Variants in TNFRSF10B observed in about 807,000 individuals in gnomAD.
TNFRSF10B encodes the protein TNF receptor superfamily member 10b.
TNFRSF10B carries 35 observed loss-of-function variants against 41.4 expected under a neutral mutation model. The observed-to-expected ratio is 0.85, with a 90% CI of 0.65 to 1.12. The LOEUF is 1.12. Among genes scored for constraint, TNFRSF10B ranks in the 50% most tolerant of loss-of-function variants. The pLI is 0.00. For missense variants in TNFRSF10B, 584 were observed against 552.7 expected (o/e 1.06, Z -0.57); for synonymous variants, 230 against 215.5 (o/e 1.07, Z -0.59).
chr8:23,039,110 T>C (rs1812100548), intron 2 of TNFRSF10B, among the ~76,000 whole-genome samples: 1 of 151,326 alleles, frequency 6.6e-6, no homozygotes, highest in Non-Finnish European at 1.5e-5. Context: ...TCATAAGGAG[T>C]GCGCAACCTA....
At position 23,022,356 on chromosome 8, in the gene TNFRSF10B, A is replaced by G; in HGVS notation, c.*315T>C. 2.0e-6 allele frequency: 1 copy of G among 495,052 alleles called. No individual in the cohort carries two copies. Among genetic ancestry groups the G allele is most frequent in the Non-Finnish European group, 3.9e-6 (1 of 254,296 alleles). The allele number at this position is 495,052 out of a possible 1,614,324, so 30.7% of individuals were successfully genotyped here. ...TACAATGTAGCCCAAATAAATAAAT[A>G]AAGCATTTACATTAGGATAAAAAAG... On this transcript the variant is annotated 3_prime_UTR_variant, in exon 9 of 9. Coordinates refer to ENST00000276431, the MANE Select transcript of TNFRSF10B (RefSeq NM_003842.5).
rs1321026489 is a variant in TNFRSF10B, at chr8:23,020,960, G to A, written c.*1711C>T. The A allele has an allele frequency of 2.2e-6, 1 of 453,996 alleles. No homozygotes were observed. 28.1% of individuals were successfully genotyped at this position (453,996 alleles called of 1,614,324 possible). On this transcript the variant is annotated 3_prime_UTR_variant, in exon 9 of 9. Transcript: ENST00000276431. Reference sequence around the variant, plus strand: ...GGATGGAAGTGCAAAGACCAGAAAGGTCACCCCCCACTCCTAAAACTCCAC... The same window carrying A: ...GGATGGAAGTGCAAAGACCAGAAAGATCACCCCCCACTCCTAAAACTCCAC...
chr8:23,038,372 C>T (rs1029644827), intron 2 of TNFRSF10B, among the ~76,000 whole-genome samples: 5 of 152,086 alleles, frequency 3.3e-5, no homozygotes, highest in South Asian at 2.1e-4. Flanking sequence ...GAATGCACAG[C>T]GAAAGAAGCT....
chr8:23,052,010 G>A (rs1360664099), intron 1 of TNFRSF10B, among the ~76,000 whole-genome samples: 1 of 152,092 alleles, frequency 6.6e-6, no homozygotes, highest in Non-Finnish European at 1.5e-5. Flanking sequence ...GAGTCAGTTA[G>A]GTCAGATCAT....
Position 23,024,182 on chromosome 8 carries a change from A to G in TNFRSF10B, c.1009+6T>C. On this transcript the variant is annotated splice_donor_region_variant and intron_variant, in intron 8 of 8. Coordinates refer to ENST00000276431, the MANE Select transcript of TNFRSF10B (RefSeq NM_003842.5). ...CCTGCTGCATCTCCAGGAGCAAAAC[A>G]CTTACTCTCAGTGGGATCACCTTCA... 1 of 1,613,872 alleles carries G rather than the reference A, an allele frequency of 6.2e-7. No individual in the cohort carries two copies.
intron 1 of TNFRSF10B, among the ~76,000 whole-genome samples, chr8:23,067,137 C>A (rs1813011015): frequency 6.6e-6 from 1 of 151,920 alleles, no homozygotes; most frequent in Non-Finnish European, 1.5e-5. Context: ...CACCACCACA[C>A]CCAGCTAATT....
intron 1 of TNFRSF10B, among the ~76,000 whole-genome samples, chr8:23,057,956 C>G (rs545545242): frequency 3.6e-4 from 55 of 152,272 alleles, no homozygotes; most frequent in South Asian, 6.2e-4. Context: ...CTTTTAAATT[C>G]CATCTCTTGG....
At chr8:23,029,528 C>T (rs1811815230) in intron 4 of TNFRSF10B, 82 bp downstream of exon 4, 3 of 1,380,092 alleles carry the variant, frequency 2.2e-6, no homozygotes, top group Non-Finnish European at 3.0e-6. Flanking sequence ...CGGGTGCTGT[C>T]AGGGGAGAGA....
intron 2 of TNFRSF10B, among the ~76,000 whole-genome samples, chr8:23,033,948 C>A (rs1175716955): frequency 2.6e-5 from 4 of 152,170 alleles, no homozygotes; most frequent in African/African-American, 9.7e-5. Context: ...TCTCCAAATA[C>A]CATCTCATTG....
intron 2 of TNFRSF10B, among the ~76,000 whole-genome samples, chr8:23,039,849 C>G (rs968844562): frequency 2.0e-5 from 3 of 152,096 alleles, no homozygotes; most frequent in Non-Finnish European, 4.4e-5. Context: ...ATAAAACTAC[C>G]TGTTTAGATA....
chr8:23,041,718 G>A (rs576688566), intron 2 of TNFRSF10B, among the ~76,000 whole-genome samples: 2 of 151,826 alleles, frequency 1.3e-5, no homozygotes, highest in South Asian at 4.1e-4. Flanking sequence ...TTCACAGGAA[G>A]AGAAATGCAC....
chr8:23,020,963 AC>A lies in TNFRSF10B; in HGVS notation c.*1707del, dbSNP rs759158824. ...TGGAAGTGCAAAGACCAGAAAGGTC[AC>A]CCCCCACTCCTAAAACTCCACAGAC... On this transcript the variant is annotated 3_prime_UTR_variant, in exon 9 of 9. Coordinates refer to ENST00000276431, the MANE Select transcript of TNFRSF10B (RefSeq NM_003842.5). 4.4e-6 allele frequency: 2 copies of A among 453,856 alleles called. No individual in the cohort carries two copies. The highest frequency in any genetic ancestry group is 1.6e-5 in the South Asian group (1 of 64,480). The allele number at this position is 453,856 out of a possible 1,614,324, so 28.1% of individuals were successfully genotyped here.
intron 2 of TNFRSF10B, among the ~76,000 whole-genome samples, chr8:23,042,021 C>A (rs1467261774): frequency 6.6e-6 from 1 of 152,218 alleles, no homozygotes; most frequent in Non-Finnish European, 1.5e-5. Context: ...CACACACTGT[C>A]CCCTCAGAGG....
chr8:23,034,259 C>A (rs143793193), intron 2 of TNFRSF10B, among the ~76,000 whole-genome samples: 139 of 152,314 alleles, frequency 9.1e-4, no homozygotes, highest in African/African-American at 3.2e-3. Flanking sequence ...AGTGGGTCCC[C>A]ACACCCATCC....
rs1554510887 is a variant in TNFRSF10B, at chr8:23,055,521, T to TTAAAAAAAAAA, written c.145-12279_145-12278insTTTTTTTTTTA. Among the ~76,000 whole-genome samples, 603 of 120,426 alleles carry TTAAAAAAAAAA rather than the reference T, an allele frequency of 5.0e-3. 8 individuals are homozygous for TTAAAAAAAAAA. Among genetic ancestry groups the TTAAAAAAAAAA allele is most frequent in the African/African-American group, 0.017 (568 of 32,464 alleles). The allele number at this position is 120,426 out of a possible 152,430, so 79.0% of individuals were successfully genotyped here. A position where few individuals can be genotyped will look rare whatever the true frequency, so the allele number is the denominator to read the frequency against. On this transcript the variant is annotated intron_variant, in intron 1 of 8. Coordinates refer to ENST00000276431, the MANE Select transcript of TNFRSF10B (RefSeq NM_003842.5). ...GTGCTTAAGTTAACTATTAAATGCTTAAAAAAAAAAAAAAAAAAGCCAGTG... is the reference window on the plus strand; with the variant it reads ...GTGCTTAAGTTAACTATTAAATGCTTTAAAAAAAAAAAAAAAAAAAAAAAAAAAAGCCAGTG...
intron 2 of TNFRSF10B, among the ~76,000 whole-genome samples, chr8:23,041,602 T>A (rs1169403655): frequency 2.3e-5 from 3 of 128,004 alleles, no homozygotes; most frequent in Non-Finnish European, 3.4e-5. Flanking sequence ...ACTCAATGAT[T>A]TAAAAAAAAA....
At chr8:23,053,465 ATTGTT>A (rs1003328643) in intron 1 of TNFRSF10B, among the ~76,000 whole-genome samples, 13 of 149,196 alleles carry the variant, frequency 8.7e-5, no homozygotes, top group African/African-American at 3.2e-4. Context: ...AGGTTAAAGG[ATTGTT>A]TTAAGTTGGA....
At chr8:23,049,415 T>C (rs777315551) in intron 1 of TNFRSF10B, among the ~76,000 whole-genome samples, 4 of 152,044 alleles carry the variant, frequency 2.6e-5, no homozygotes, top group South Asian at 2.1e-4. Flanking sequence ...CAAAAACAAG[T>C]GTGTGGGAGG....
chr8:23,027,391 C>T (rs1420777682), intron 6 of TNFRSF10B, 103 bp from the exon 7 acceptor site: 11 of 1,450,476 alleles, frequency 7.6e-6, no homozygotes, highest in Admixed American at 1.8e-5. Flanking sequence ...TCCCCACCCC[C>T]TCTCAGTGAG....
Sources: allele counts gnomAD v4.1 joint callset (sites outside exome capture counted in the v4.1 genomes callset), GRCh38; gene constraint gnomAD v4.1.1; transcripts MANE v1.5; gene names NCBI Gene and HGNC (gene_info 2026-07-23, HGNC 2026-07-21).